KIF18A: variants seen among roughly 807,000 people sequenced by gnomAD.
KIF18A encodes kinesin family member 18A.
KIF18A carries 67 observed loss-of-function variants against 103.3 expected under a neutral mutation model. That is an observed-to-expected ratio of 0.65 (90% CI 0.53 to 0.79). The LOEUF (loss-of-function observed/expected upper bound fraction) is 0.79, where lower values mean the gene tolerates loss of function less well. Ranked by LOEUF, KIF18A falls within the 30% of genes least tolerant of loss-of-function variation. The probability of loss-of-function intolerance (pLI) is 0.00; values close to 1 mark genes in which losing one functional copy is unlikely to be tolerated. For missense variants in KIF18A, 1,032 were observed against 1,062.5 expected (o/e 0.97, Z 0.40); for synonymous variants, 367 against 355.5 (o/e 1.03, Z -0.36).
intron 5 of KIF18A, among the ~76,000 whole-genome samples, chr11:28,089,819 T>G (rs1851278611): frequency 6.6e-6 from 1 of 152,228 alleles, no homozygotes; most frequent in Non-Finnish European, 1.5e-5. Context: ...AAGTAAGATA[T>G]TACTTAATTA....
chr11:28,036,248 G>A lies in KIF18A; in HGVS notation c.2365C>T (p.Leu789=). The A allele has an allele frequency of 1.2e-6, 2 of 1,601,684 alleles. No individual in the cohort carries two copies. The highest frequency in any genetic ancestry group is 1.7e-6 in the Non-Finnish European group (2 of 1,173,776). ...AAAATGTCTTTGTTATCATTTGGTA[G>A]TGATTCTTGTTCGGGTAATTTACAC... ...SKCKLPEQES[L]PNDNKDILQR... Residue 789 remains leucine, a synonymous_variant, in exon 14 of 17, where the codon CTA becomes TTA. Coordinates refer to ENST00000263181, the MANE Select transcript of KIF18A (RefSeq NM_031217.4).
At chr11:28,027,270 G>T (rs1335834233) in intron 15 of KIF18A, among the ~76,000 whole-genome samples, 1 of 151,730 alleles carries the variant, frequency 6.6e-6, no homozygotes, top group East Asian at 1.9e-4. Flanking sequence ...ATTTGTCATT[G>T]CATTCAATTT....
At chr11:28,099,841 GAAC>G (rs939762191) in intron 1 of KIF18A, among the ~76,000 whole-genome samples, 1 of 152,100 alleles carries the variant, frequency 6.6e-6, no homozygotes, top group Non-Finnish European at 1.5e-5. Context: ...GTAAGACAAA[GAAC>G]AACTGGAAGT....
chr11:28,080,567 G>T (rs1851153022), intron 9 of KIF18A, among the ~76,000 whole-genome samples: 1 of 151,972 alleles, frequency 6.6e-6, no homozygotes, highest in African/African-American at 2.4e-5. Context: ...GTCACAAATT[G>T]TGCCCATATA....
chr11:28,099,334 G>A (rs1346902879), intron 1 of KIF18A, among the ~76,000 whole-genome samples: 1 of 152,018 alleles, frequency 6.6e-6, no homozygotes, highest in Non-Finnish European at 1.5e-5. Flanking sequence ...AGGAGGGTGG[G>A]GTGGGTGGTA....
At chr11:28,068,720 T>A (rs998149652) in intron 11 of KIF18A, among the ~76,000 whole-genome samples, 4 of 152,088 alleles carry the variant, frequency 2.6e-5, no homozygotes, top group African/African-American at 9.7e-5. Flanking sequence ...ATTTTAAAGG[T>A]ACTGCATTAG....
rs945924095 is a variant in KIF18A, at chr11:28,100,563, G to GA, written c.-46-2571_-46-2570insT. On this transcript the variant is annotated intron_variant, in intron 1 of 16. Coordinates refer to ENST00000263181, the MANE Select transcript of KIF18A (RefSeq NM_031217.4). ...GAGGAGAAAAATGGTGTGAGTGAAG[G>GA]GGGGGGGTGGTGTCAAGATGTTTTG... Among the ~76,000 whole-genome samples, 33 of 150,570 alleles carry GA rather than the reference G, an allele frequency of 2.2e-4. 1 individual carries two copies. The Admixed American group carries it at 2.2e-3, about 10-fold the overall frequency.
At chr11:28,077,626 C>A (rs1851110953) in intron 9 of KIF18A, among the ~76,000 whole-genome samples, 2 of 152,146 alleles carry the variant, frequency 1.3e-5, no homozygotes. Flanking sequence ...AAGGAATAAG[C>A]AGTAGGAGGC....
Position 28,096,619 on chromosome 11 carries a change from T to C in KIF18A, c.325+1004A>G, listed in dbSNP as rs1331809640. On this transcript the variant is annotated intron_variant, in intron 2 of 16. Coordinates refer to ENST00000263181, the MANE Select transcript of KIF18A (RefSeq NM_031217.4). ...AGTTTCATGAAAGAGGAAAAGAATATCTTCTTAAAAATGGGAATCACAGTA... is the reference window on the plus strand; with the variant it reads ...AGTTTCATGAAAGAGGAAAAGAATACCTTCTTAAAAATGGGAATCACAGTA... Among the ~76,000 whole-genome samples the C allele has an allele frequency of 2.0e-5, 3 of 152,092 alleles. No individual in the cohort carries two copies. In the East Asian group the frequency reaches 5.8e-4, roughly 29 times the overall value.
chr11:28,073,542 A>T (rs1300261610), intron 10 of KIF18A, among the ~76,000 whole-genome samples: 1 of 152,126 alleles, frequency 6.6e-6, no homozygotes. Flanking sequence ...TTAGGTAAGT[A>T]ACTCCAGACA....
chr11:28,069,232 A>T (rs1407163888), intron 11 of KIF18A, 27 bp downstream of exon 11: 1 of 1,583,764 alleles, frequency 6.3e-7, no homozygotes, highest in East Asian at 2.2e-5. Context: ...CTACAAATTA[A>T]ATCTGAACAT....
intron 16 of KIF18A, 147 bp from the exon 17 acceptor site, chr11:28,021,429 C>G: frequency 1.3e-6 from 1 of 755,664 alleles, no homozygotes; most frequent in Non-Finnish European, 1.8e-6. Flanking sequence ...TAAAATATAA[C>G]AACAACAAAG....
intron 2 of KIF18A, chr11:28,097,388 A>G (rs191814108): frequency 5.2e-4 from 244 of 472,482 alleles, no homozygotes; most frequent in Non-Finnish European, 7.9e-4. Context: ...ACAGATGTCT[A>G]TAGGGGCCAC....
chr11:28,091,405 A>T lies in KIF18A; in HGVS notation c.588+4T>A. 1 of 1,498,058 alleles carries T rather than the reference A, an allele frequency of 6.7e-7. No individual in the cohort carries two copies. The highest frequency in any genetic ancestry group is 9.3e-7 in the Non-Finnish European group (1 of 1,077,058). The allele number at this position is 1,498,058 out of a possible 1,614,324, so 92.8% of individuals were successfully genotyped here. A position where few individuals can be genotyped will look rare whatever the true frequency, so the allele number is the denominator to read the frequency against. On this transcript the variant is annotated splice_donor_region_variant and intron_variant, in intron 4 of 16. Coordinates refer to ENST00000263181, the MANE Select transcript of KIF18A (RefSeq NM_031217.4). ...AACAGGGAAAAAGATGTTTATATACATACCTGGTGTAAAGTAAGTCCATGA... is the reference window on the plus strand; with the variant it reads ...AACAGGGAAAAAGATGTTTATATACTTACCTGGTGTAAAGTAAGTCCATGA...
At chr11:28,095,851 A>T (rs1016322342) in intron 2 of KIF18A, among the ~76,000 whole-genome samples, 3 of 151,870 alleles carry the variant, frequency 2.0e-5, no homozygotes, top group African/African-American at 7.3e-5. Flanking sequence ...ATCCACAAAA[A>T]TTTTCAAAAA....
chr11:28,035,409 T>A lies in KIF18A; in HGVS notation c.2482A>T (p.Lys828Ter). The change falls in exon 15 of 17, where the codon AAA (lysine) becomes TAA (stop). Residue 828 changes from lysine to a stop codon, truncating the protein, a stop_gained. Coordinates refer to ENST00000263181, the MANE Select transcript of KIF18A (RefSeq NM_031217.4). LOFTEE classifies it high-confidence loss of function. ...TACCTTGTTAATTTCCGTTTCCTTT[T>A]GGCAGCAGTAGTCATTGCCATGTAG... ...PSYMAMTTAAKRKRKLTSSTS... is the reference protein window; with the variant it reads ...PSYMAMTTAA The A allele has an allele frequency of 6.3e-7, 1 of 1,599,048 alleles. No homozygotes were observed. The highest frequency in any genetic ancestry group is 8.5e-7 in the Non-Finnish European group (1 of 1,171,164).
chr11:28,029,650 A>T (rs937765512), intron 15 of KIF18A, among the ~76,000 whole-genome samples: 6 of 152,028 alleles, frequency 3.9e-5, no homozygotes, highest in African/African-American at 1.4e-4. Context: ...CACCACTCCT[A>T]CTCAATATAG....
rs1850231491 is a variant in KIF18A, at chr11:28,020,991, AGACAACCTT to A, written c.*200_*208del. ...GCAACAAATATTTAAAAAACTTAAA[AGACAACCTT>A]TTCTTTTGAAATTTTATTTTTTTAG... On this transcript the variant is annotated 3_prime_UTR_variant, in exon 17 of 17. Coordinates refer to ENST00000263181, the MANE Select transcript of KIF18A (RefSeq NM_031217.4). The A allele has an allele frequency of 2.7e-6, 1 of 370,940 alleles. No homozygotes were observed. The highest frequency in any genetic ancestry group is 2.1e-5 in the African/African-American group (1 of 47,410). The allele number at this position is 370,940 out of a possible 1,614,324, so 23.0% of individuals were successfully genotyped here.
At chr11:28,047,355 G>A (rs1018048541) in intron 13 of KIF18A, among the ~76,000 whole-genome samples, 1 of 151,894 alleles carries the variant, frequency 6.6e-6, no homozygotes, top group East Asian at 1.9e-4. Context: ...AGCAAGATAA[G>A]GCCTTACGTA....
Sources: allele counts gnomAD v4.1 joint callset (sites outside exome capture counted in the v4.1 genomes callset), GRCh38; gene constraint gnomAD v4.1.1; transcripts MANE v1.5; gene names NCBI Gene and HGNC (gene_info 2026-07-23, HGNC 2026-07-21).